Variants in DCAF12 observed in about 807,000 individuals in gnomAD.
DCAF12 encodes DDB1 and CUL4 associated factor 12.
Under a neutral mutation model 52.8 loss-of-function variants are expected in DCAF12, and 28 were observed. That is an observed-to-expected ratio of 0.53 (90% CI 0.39 to 0.73). The LOEUF (loss-of-function observed/expected upper bound fraction) is 0.73. Among genes scored for constraint, DCAF12 ranks in the 30% least tolerant of loss-of-function variants. The probability of loss-of-function intolerance (pLI) is 0.00; values close to 1 mark genes in which losing one functional copy is unlikely to be tolerated. For synonymous variants in DCAF12, 196 were observed against 215.5 expected (o/e 0.91, Z 0.79); for missense variants, 425 against 552.2 (o/e 0.77, Z 2.31).
intron 2 of DCAF12, 30 bp downstream of exon 2, chr9:34,124,993 G>T: frequency 6.2e-7 from 1 of 1,611,032 alleles, no homozygotes; most frequent in Non-Finnish European, 8.5e-7. Flanking sequence ...CACGACCTAG[G>T]AGAGAGGTCA....
intron 2 of DCAF12, among the ~76,000 whole-genome samples, chr9:34,120,987 C>T (rs983606267): frequency 2.6e-5 from 4 of 152,080 alleles, no homozygotes; most frequent in Non-Finnish European, 4.4e-5. Context: ...AACCCTGTCT[C>T]TACTAAAAAT....
intron 4 of DCAF12, among the ~76,000 whole-genome samples, chr9:34,099,323 G>C (rs544819506): frequency 6.6e-6 from 1 of 150,646 alleles, no homozygotes. Flanking sequence ...TGCAACCTCC[G>C]CCTCCCAGGT....
At chr9:34,104,464 G>A (rs537094464) in intron 4 of DCAF12, among the ~76,000 whole-genome samples, 1 of 152,184 alleles carries the variant, frequency 6.6e-6, no homozygotes, top group South Asian at 2.1e-4. Context: ...TGTATGCTGT[G>A]CTATAAAATT....
rs774559250 is a variant in DCAF12 at position 34,107,523 on chromosome 9, G to A, written c.376C>T (p.Pro126Ser). 1 of 1,614,134 alleles carries A rather than the reference G, an allele frequency of 6.2e-7. No homozygotes were observed. Among genetic ancestry groups the A allele is most frequent in the Non-Finnish European group, 8.5e-7 (1 of 1,180,026 alleles). The change falls in exon 3 of 9, where the codon CCC becomes TCC. Residue 126 changes from proline (P) to serine (S), a missense_variant. By Grantham distance (74) the Pro-to-Ser change is moderately conservative. Around this residue, in one of 3 missense-constraint regions of DCAF12, gnomAD observed 328 missense variants for 444.4 expected, o/e 0.74. Coordinates refer to ENST00000361264, the MANE Select transcript of DCAF12 (RefSeq NM_015397.4). Reference protein sequence around the residue: ...DVQTSQITKIPILKDREPGGV... With the variant: ...DVQTSQITKISILKDREPGGV... ...CCAGGCTCCCGGTCTTTCAGAATGG[G>A]GATCTTGGTGATCTGGCTTGTCTGG...
rs35820744 is a variant in DCAF12 at position 34,100,198 on chromosome 9, C to CTT, written c.602-1683_602-1682dup. On this transcript the variant is annotated intron_variant, in intron 4 of 8. Transcript: ENST00000361264. ...AACAGGTATGCACCCCCATGACTGG[C>CTT]TTTTTTTTTTTTTTTTTTGAGATGG... Among the ~76,000 whole-genome samples, 85 of 117,746 alleles carry CTT rather than the reference C, an allele frequency of 7.2e-4. 2 individuals are homozygous for CTT. The highest frequency in any genetic ancestry group is 1.0e-3 in the Non-Finnish European group (58 of 56,492). 77.2% of individuals were successfully genotyped at this position (117,746 alleles called of 152,430 possible).
At position 34,092,660 on chromosome 9, in the gene DCAF12, T is replaced by G. The variant is rs142386109; in HGVS notation, c.1024+626A>C. On this transcript the variant is annotated intron_variant, in intron 7 of 8. Coordinates refer to ENST00000361264, the MANE Select transcript of DCAF12 (RefSeq NM_015397.4). ...GAGATCACGCCACTACACTCCAGCC[T>G]GGCAAAAGAGCGAGACTCTGTCTCA... is the stretch of plus-strand genomic sequence containing the variant. 6.0e-3 allele frequency among the ~76,000 whole-genome samples: 889 copies of G among 149,396 alleles called. 6 individuals are homozygous for G. Among genetic ancestry groups the G allele is most frequent in the African/African-American group, 0.021 (843 of 40,690 alleles).
chr9:34,116,802 G>A (rs764961627), intron 2 of DCAF12, among the ~76,000 whole-genome samples: 4 of 152,236 alleles, frequency 2.6e-5, no homozygotes, highest in South Asian at 2.1e-4. Flanking sequence ...CCAACATGGC[G>A]AAACGCCATC....
intron 5 of DCAF12, among the ~76,000 whole-genome samples, chr9:34,097,482 T>A (rs551456807): frequency 6.6e-6 from 1 of 152,004 alleles, no homozygotes; most frequent in South Asian, 2.1e-4. Context: ...AGTCTCAAAC[T>A]CCTGACCTTG....
chr9:34,126,452 C>T lies in DCAF12; in HGVS notation c.-21G>A. On this transcript the variant is annotated 5_prime_UTR_variant, in exon 1 of 9. Transcript: ENST00000361264. Reference sequence around the variant, plus strand: ...GCCATAGTGGGCAGCGCCGCCGCGGCCCCGCAGCCACATGGGGCGGGGGAA... The same window carrying T: ...GCCATAGTGGGCAGCGCCGCCGCGGTCCCGCAGCCACATGGGGCGGGGGAA... 1 of 1,600,108 alleles carries T rather than the reference C, an allele frequency of 6.2e-7. No individual in the cohort carries two copies. Among genetic ancestry groups the T allele is most frequent in the Non-Finnish European group, 8.5e-7 (1 of 1,178,152 alleles).
intron 6 of DCAF12, among the ~76,000 whole-genome samples, chr9:34,094,180 A>G (rs967663174): frequency 6.6e-6 from 1 of 152,022 alleles, no homozygotes; most frequent in African/African-American, 2.4e-5. Flanking sequence ...TAAGGCAGGC[A>G]GATCACCTGA....
intron 5 of DCAF12, among the ~76,000 whole-genome samples, chr9:34,097,249 G>C (rs1430886172): frequency 1.4e-5 from 2 of 145,502 alleles, no homozygotes; most frequent in Non-Finnish European, 3.0e-5. Flanking sequence ...TGTATATTCT[G>C]ACACTGCTTT....
intron 7 of DCAF12, 60 bp downstream of exon 7, chr9:34,093,226 G>C (rs2131426216): frequency 6.3e-7 from 1 of 1,594,354 alleles, no homozygotes; most frequent in East Asian, 2.2e-5. Flanking sequence ...CAAAGAAACT[G>C]AAAGTCAGAA....
chr9:34,115,612 A>G (rs1241466832), intron 2 of DCAF12, among the ~76,000 whole-genome samples: 1 of 150,052 alleles, frequency 6.7e-6, no homozygotes, highest in Non-Finnish European at 1.5e-5. Flanking sequence ...AAAAAAAAGT[A>G]TATATATACA....
At position 34,126,505 on chromosome 9, in the gene DCAF12, A is replaced by G; in HGVS notation, c.-74T>C. ...GAAGGATAGCAGGACGGCGGGTCAT[A>G]TACTGGGCCCCGGGGCCGCGCACCT... On this transcript the variant is annotated 5_prime_UTR_variant, in exon 1 of 9. Coordinates refer to ENST00000361264, the MANE Select transcript of DCAF12 (RefSeq NM_015397.4). 1.3e-6 allele frequency: 2 copies of G among 1,517,284 alleles called. No homozygotes were observed. Among genetic ancestry groups the G allele is most frequent in the Non-Finnish European group, 1.8e-6 (2 of 1,132,680 alleles). 94.0% of individuals were successfully genotyped at this position (1,517,284 alleles called of 1,614,324 possible).
At position 34,094,079 on chromosome 9, in the gene DCAF12, C is replaced by T. The variant is rs1828695345; in HGVS notation, c.862-631G>A. On this transcript the variant is annotated intron_variant, in intron 6 of 8. Coordinates refer to ENST00000361264, the MANE Select transcript of DCAF12 (RefSeq NM_015397.4). Reference sequence around the variant, plus strand: ...GAAGGAATCACTAATTCCTGGAACCCTGCTTCCTCTTGCAAAGTCCTCAAG... The same window carrying T: ...GAAGGAATCACTAATTCCTGGAACCTTGCTTCCTCTTGCAAAGTCCTCAAG... 2.6e-5 allele frequency among the ~76,000 whole-genome samples: 4 copies of T among 152,274 alleles called. No individual in the cohort carries two copies. In the South Asian group the frequency reaches 8.3e-4, roughly 32 times the overall value.
chr9:34,088,512 CG>C lies in DCAF12; in HGVS notation c.1204-5del, dbSNP rs1564092341. The C allele has an allele frequency of 1.2e-6, 2 of 1,613,780 alleles. No individual in the cohort carries two copies. The highest frequency in any genetic ancestry group is 1.3e-5 in the African/African-American group (1 of 74,864). On this transcript the variant is annotated splice_polypyrimidine_tract_variant and splice_region_variant and intron_variant, in intron 8 of 8. Coordinates refer to ENST00000361264, the MANE Select transcript of DCAF12 (RefSeq NM_015397.4). ...TCCTCCAGGTTTCATCATGATTCTA[CG>C]GGAAGAGAAAGAGACTACAATTAGC...
At chr9:34,124,219 A>G (rs755791061) in intron 2 of DCAF12, among the ~76,000 whole-genome samples, 2 of 152,160 alleles carry the variant, frequency 1.3e-5, no homozygotes, top group Non-Finnish European at 2.9e-5. Context: ...TTACTTGTCC[A>G]TTCACACAGG....
At chr9:34,097,519 G>A (rs1828754151) in intron 5 of DCAF12, among the ~76,000 whole-genome samples, 1 of 152,052 alleles carries the variant, frequency 6.6e-6, no homozygotes, top group African/African-American at 2.4e-5. Context: ...GCCTCCGAAA[G>A]TGCAGGGATT....
chr9:34,101,268 G>A (rs1828825339), intron 4 of DCAF12, among the ~76,000 whole-genome samples: 1 of 151,608 alleles, frequency 6.6e-6, no homozygotes, highest in Non-Finnish European at 1.5e-5. Flanking sequence ...TGTAGAAATG[G>A]GGTCTCACTA....
Sources: allele counts gnomAD v4.1 joint callset (sites outside exome capture counted in the v4.1 genomes callset), GRCh38; gene constraint gnomAD v4.1.1; regional missense constraint gnomAD v4.1.1; transcripts MANE v1.5; gene names NCBI Gene and HGNC (gene_info 2026-07-23, HGNC 2026-07-21).